The following CCDC38 variants were observed in gnomAD, a reference collection of about 807,000 sequenced individuals.
The protein encoded by CCDC38 is coiled-coil domain-containing protein 38.
A neutral mutation model predicts 72.8 loss-of-function variants in CCDC38; 69 were observed. The observed-to-expected ratio is 0.95, with a 90% CI of 0.78 to 1.16. The LOEUF is 1.16. CCDC38 is among the 50% of genes most tolerant of loss of function. The probability of loss-of-function intolerance (pLI) is 0.00; values close to 1 mark genes in which losing one functional copy is unlikely to be tolerated. For missense variants in CCDC38, 626 were observed against 638.9 expected, an observed-to-expected ratio of 0.98 and a Z score of 0.22; for synonymous variants, 201 against 213.2, an observed-to-expected ratio of 0.94 and a Z score of 0.50.
intron 4 of CCDC38, among the ~76,000 whole-genome samples, chr12:95,914,822 T>G (rs2080128771): frequency 6.6e-6 from 1 of 152,168 alleles, no homozygotes; most frequent in Non-Finnish European, 1.5e-5. Flanking sequence ...AGCCATTCAT[T>G]TGTTCAAGAA....
At chr12:95,929,566 T>C (rs10161346) in intron 2 of CCDC38, among the ~76,000 whole-genome samples, 102,669 of 152,062 alleles carry the variant, frequency 0.68, 35,518 homozygotes, top group East Asian at 0.94. Context: ...GCTCCTCCCC[T>C]GCAAGTGTCT....
intron 15 of CCDC38, among the ~76,000 whole-genome samples, chr12:95,868,132 T>C (rs2079543090): frequency 6.6e-6 from 1 of 152,212 alleles, no homozygotes; most frequent in Non-Finnish European, 1.5e-5. Context: ...TGATGAAGTG[T>C]CCTAACTGGG....
In CCDC38 at chr12:95,904,774, C is replaced by T. The variant is rs117419446; in HGVS notation, c.369+1613G>A. Among the ~76,000 whole-genome samples the T allele has an allele frequency of 1.9e-3, 283 of 152,282 alleles. 6 individuals carry two copies. In the East Asian group the frequency reaches 0.025, roughly 13 times the overall value. ...TGACCCAAAGCCCCACCTCTAAGTC[C>T]CATTGTTAATATTTCTGGGATGGGC... On this transcript the variant is annotated intron_variant, in intron 5 of 15. Coordinates refer to ENST00000344280, the MANE Select transcript of CCDC38 (RefSeq NM_182496.3).
In CCDC38 at chr12:95,909,766, T is replaced by A. The variant is rs190996781; in HGVS notation, c.305-3315A>T. Among the ~76,000 whole-genome samples, 55 of 152,288 alleles carry A rather than the reference T, an allele frequency of 3.6e-4. 1 individual carries two copies. The highest frequency in any genetic ancestry group is 1.0e-4 in the Non-Finnish European group (7 of 68,028). ...TTCAATATACACAAATCAATAAATG[T>A]GATTCACCACATAAACAGAATTAAA... On this transcript the variant is annotated intron_variant, in intron 4 of 15. Transcript: ENST00000344280.
At chr12:95,913,720 G>A (rs2080117535) in intron 4 of CCDC38, among the ~76,000 whole-genome samples, 1 of 151,858 alleles carries the variant, frequency 6.6e-6, no homozygotes, top group East Asian at 1.9e-4. Context: ...ATTGTTACTG[G>A]CTATTATTTA....
intron 3 of CCDC38, among the ~76,000 whole-genome samples, chr12:95,917,644 G>T (rs1168060827): frequency 6.6e-6 from 1 of 152,062 alleles, no homozygotes; most frequent in African/African-American, 2.4e-5. Context: ...AGTCCAAGGC[G>T]GGCAGATCAC....
intron 13 of CCDC38, among the ~76,000 whole-genome samples, chr12:95,873,431 G>A (rs1228475297): frequency 6.6e-6 from 1 of 152,140 alleles, no homozygotes; most frequent in Non-Finnish European, 1.5e-5. Flanking sequence ...TGTTTTCGTT[G>A]GGAAGCCATT....
intron 1 of CCDC38, among the ~76,000 whole-genome samples, 163 bp from the exon 2 acceptor site, chr12:95,936,686 T>C (rs1279819642): frequency 1.3e-5 from 2 of 152,178 alleles, no homozygotes; most frequent in Non-Finnish European, 2.9e-5. Context: ...GTATCTTATG[T>C]CAAGAAAATA....
chr12:95,893,433 CCCTCCCTCCCTT>C (rs1465672024), intron 8 of CCDC38, among the ~76,000 whole-genome samples: 3 of 112,382 alleles, frequency 2.7e-5, no homozygotes, highest in South Asian at 3.1e-4. Flanking sequence ...CTCCCTCCCT[CCCTCCCTCCCTT>C]CCTTCCTTCT....
intron 10 of CCDC38, among the ~76,000 whole-genome samples, chr12:95,882,476 G>A (rs1022494003): frequency 3.9e-5 from 6 of 152,144 alleles, no homozygotes; most frequent in African/African-American, 1.4e-4. Flanking sequence ...CTTTATTCAT[G>A]TTGAGTTTGA....
At chr12:95,895,554 C>A (rs1036587125) in intron 7 of CCDC38, among the ~76,000 whole-genome samples, 35 of 151,632 alleles carry the variant, frequency 2.3e-4, no homozygotes, top group South Asian at 8.3e-4. Flanking sequence ...GAGTTCAAGA[C>A]CAGCCTGGCC....
chr12:95,874,616 G>A (rs2079616506), intron 13 of CCDC38, among the ~76,000 whole-genome samples: 1 of 152,204 alleles, frequency 6.6e-6, no homozygotes, highest in African/African-American at 2.4e-5. Context: ...GGGAAGGGAA[G>A]TTTCAGCCCC....
At chr12:95,882,030 A>C (rs1471310665) in intron 10 of CCDC38, among the ~76,000 whole-genome samples, 2 of 152,242 alleles carry the variant, frequency 1.3e-5, no homozygotes, top group African/African-American at 4.8e-5. Context: ...TTCTCAAAAT[A>C]TCTTCCAATC....
Position 95,881,499 on chromosome 12 carries a change from T to C in CCDC38, c.976A>G (p.Met326Val). The C allele has an allele frequency of 1.9e-6, 3 of 1,608,776 alleles. No individual in the cohort carries two copies. The highest frequency in any genetic ancestry group is 2.5e-6 in the Non-Finnish European group (3 of 1,177,410). The change falls in exon 11 of 16, where the codon ATG becomes GTG. Residue 326 changes from methionine (M) to valine (V), a missense_variant. By Grantham distance (21) the Met-to-Val change is conservative. Transcript: ENST00000344280. ...AATCTGGTTACCAAATCAACGTCCA[T>C]TTCATCATCTAAAAGGAATTCCAAA... ...DSLEFLLDDE[M>V]DVDLEPALYF...
At chr12:95,918,725 GTGTTCACAC>G in intron 3 of CCDC38, 142 bp downstream of exon 3, 2 of 594,712 alleles carry the variant, frequency 3.4e-6, no homozygotes, top group South Asian at 4.1e-5. Flanking sequence ...TCTGTCGTTT[GTGTTCACAC>G]TGTCTCCCCA....
chr12:95,940,067 T>C (rs2080432587), intron 1 of CCDC38, among the ~76,000 whole-genome samples: 1 of 152,144 alleles, frequency 6.6e-6, no homozygotes, highest in African/African-American at 2.4e-5. Flanking sequence ...TGCCTGCTCA[T>C]AGTAGGCTTG....
intron 11 of CCDC38, 32 bp downstream of exon 11, chr12:95,881,453 A>C: frequency 6.6e-7 from 1 of 1,518,072 alleles, no homozygotes; most frequent in Non-Finnish European, 9.1e-7. Context: ...CACCAAACCC[A>C]ATATTTAAAC....
At chr12:95,907,411 C>T (rs1411774121) in intron 4 of CCDC38, among the ~76,000 whole-genome samples, 1 of 133,918 alleles carries the variant, frequency 7.5e-6, no homozygotes, top group Non-Finnish European at 1.6e-5. Flanking sequence ...CGGGCAGAGG[C>T]GCCCCTCACC....
chr12:95,929,228 A>T (rs919660737), intron 2 of CCDC38, among the ~76,000 whole-genome samples: 4 of 152,056 alleles, frequency 2.6e-5, no homozygotes, highest in African/African-American at 9.7e-5. Context: ...CAGGTGCGGG[A>T]TATAATCTCC....
Sources: gnomAD v4.1 joint callset for allele counts (sites outside exome capture counted in the v4.1 genomes callset) on GRCh38, gnomAD v4.1.1 for gene constraint, MANE v1.5 for transcripts, NCBI Gene and HGNC (gene_info 2026-07-23, HGNC 2026-07-21) for gene names.